CLSTN2: variants seen among roughly 807,000 people sequenced by gnomAD.
CLSTN2 encodes the protein calsyntenin 2.
In CLSTN2, 48 loss-of-function variants were observed where a neutral mutation model predicts 101.2. The observed-to-expected ratio is 0.47, with a 90% CI of 0.38 to 0.60. CLSTN2 has a LOEUF of 0.60. CLSTN2 is among the 20% of genes least tolerant of loss of function. The probability of loss-of-function intolerance (pLI) is 0.00; values close to 1 mark genes in which losing one functional copy is unlikely to be tolerated. For synonymous variants in CLSTN2, 481 were observed against 463.6 expected, an observed-to-expected ratio of 1.04 and a Z score of -0.48; for missense variants, 1,160 against 1,238.2, an observed-to-expected ratio of 0.94 and a Z score of 0.95.
chr3:140,476,433 A>AT (rs970702456), intron 8 of CLSTN2, among the ~76,000 whole-genome samples: 6 of 152,244 alleles, frequency 3.9e-5, no homozygotes, highest in Non-Finnish European at 8.8e-5. Flanking sequence ...TGCTTTCCAC[A>AT]TCTCTCATCT....
chr3:140,134,439 C>A (rs2009569187), intron 1 of CLSTN2, among the ~76,000 whole-genome samples: 1 of 152,122 alleles, frequency 6.6e-6, no homozygotes. Context: ...CCCCACCCCA[C>A]CCATCTGGCC....
intron 2 of CLSTN2, among the ~76,000 whole-genome samples, chr3:140,344,897 C>T (rs187632769): frequency 3.9e-5 from 6 of 152,238 alleles, no homozygotes; most frequent in South Asian, 4.1e-4. Context: ...GAGGGGATTG[C>T]GACTTCTCTA....
At chr3:140,276,132 A>G (rs966807541) in intron 2 of CLSTN2, among the ~76,000 whole-genome samples, 3 of 152,122 alleles carry the variant, frequency 2.0e-5, no homozygotes, top group Non-Finnish European at 4.4e-5. Context: ...CAAAGAATGC[A>G]CCTTTCTTCT....
chr3:140,193,939 T>A (rs768477839), intron 2 of CLSTN2, among the ~76,000 whole-genome samples: 2 of 152,134 alleles, frequency 1.3e-5, no homozygotes, highest in Non-Finnish European at 2.9e-5. Context: ...TCTACTTAGG[T>A]TATTTTATTT....
chr3:140,466,526 C>T, intron 7 of CLSTN2, 84 bp from the exon 8 acceptor site: 1 of 1,557,684 alleles, frequency 6.4e-7, no homozygotes, highest in Non-Finnish European at 8.8e-7. Context: ...CTGTGCTGTG[C>T]TAAGTGAGTG....
At chr3:140,147,829 C>G (rs1382581153) in intron 1 of CLSTN2, among the ~76,000 whole-genome samples, 1 of 152,152 alleles carries the variant, frequency 6.6e-6, no homozygotes, top group South Asian at 2.1e-4. Context: ...GCATTACACA[C>G]TTTTTAGTCC....
intron 7 of CLSTN2, among the ~76,000 whole-genome samples, chr3:140,464,958 G>T (rs540977633): frequency 6.6e-6 from 1 of 152,192 alleles, no homozygotes; most frequent in African/African-American, 2.4e-5. Context: ...CTACTTCGTT[G>T]TGTTGCCCTG....
rs1487219408 is a variant in CLSTN2, at chr3:140,564,065, A to G, written c.2587A>G (p.Ile863Val). 4.3e-6 allele frequency: 7 copies of G among 1,613,962 alleles called. No individual in the cohort carries two copies. The East Asian group carries it at 1.6e-4, about 36-fold the overall frequency. ...YRVRIAHQHF[I>V]QETEAAKESE... ...GGTCCGGATCGCCCACCAGCACTTCATCCAGGAGACTGAGGCTGCCAAGGA... is the reference window on the plus strand; with the variant it reads ...GGTCCGGATCGCCCACCAGCACTTCGTCCAGGAGACTGAGGCTGCCAAGGA... Residue 863 changes from isoleucine to valine, a missense_variant, in exon 16 of 17, where the codon ATC becomes GTC. Ile to Val is a conservative substitution (Grantham distance 29, BLOSUM62 3). Coordinates refer to ENST00000458420, the MANE Select transcript of CLSTN2 (RefSeq NM_022131.3).
rs143976908 is a variant in CLSTN2, at chr3:140,354,395, G to T, written c.233-49234G>T. 5.3e-3 allele frequency among the ~76,000 whole-genome samples: 803 copies of T among 152,294 alleles called. 2 individuals are homozygous for T. Among genetic ancestry groups the T allele is most frequent in the African/African-American group, 0.018 (745 of 41,562 alleles). ...TAAAGAAATTCTGCATTCATTGTCAGTTGGTGATATCTTTCTACGATTCAC... is the reference window on the plus strand; with the variant it reads ...TAAAGAAATTCTGCATTCATTGTCATTTGGTGATATCTTTCTACGATTCAC... On this transcript the variant is annotated intron_variant, in intron 2 of 16. Transcript: ENST00000458420.
At chr3:140,521,636 G>A (rs904386168) in intron 8 of CLSTN2, among the ~76,000 whole-genome samples, 1 of 152,356 alleles carries the variant, frequency 6.6e-6, no homozygotes, top group South Asian at 2.1e-4. Context: ...AAATCTGGCT[G>A]ATTTTTGGTA....
chr3:140,210,860 C>A (rs2010846785), intron 2 of CLSTN2, among the ~76,000 whole-genome samples: 1 of 152,036 alleles, frequency 6.6e-6, no homozygotes. Context: ...TAACAAGCAC[C>A]TAAATAGCTA....
chr3:140,326,655 C>G (rs1176710764), intron 2 of CLSTN2, among the ~76,000 whole-genome samples: 8 of 152,154 alleles, frequency 5.3e-5, no homozygotes. Flanking sequence ...CAGCATTCTC[C>G]AAAAGCTACC....
In CLSTN2 at chr3:140,562,207, G is replaced by A; in HGVS notation, c.2111G>A (p.Gly704Glu). ...LDFCDILVIGGDLDPRQECLE... is the reference protein window; with the variant it reads ...LDFCDILVIGEDLDPRQECLE... Reference sequence around the variant, plus strand: ...TTCTGTGACATTTTGGTGATCGGAGGGGACTTGGACCCAAGGCAGGAGTGC... The same window carrying A: ...TTCTGTGACATTTTGGTGATCGGAGAGGACTTGGACCCAAGGCAGGAGTGC... The change falls in exon 13 of 17, where the codon GGG becomes GAG. Residue 704 changes from glycine to glutamate, a missense_variant. Transcript: ENST00000458420. The A allele has an allele frequency of 2.5e-6, 4 of 1,614,066 alleles. No homozygotes were observed. The highest frequency in any genetic ancestry group is 3.4e-6 in the Non-Finnish European group (4 of 1,179,954).
chr3:140,166,365 T>C (rs768949982), intron 1 of CLSTN2, among the ~76,000 whole-genome samples: 2 of 152,160 alleles, frequency 1.3e-5, no homozygotes, highest in African/African-American at 4.8e-5. Flanking sequence ...AGCCTGACAA[T>C]TGGAATAATA....
chr3:140,532,553 A>T (rs1935279521), intron 9 of CLSTN2, 67 bp downstream of exon 9: 2 of 1,385,590 alleles, frequency 1.4e-6, no homozygotes, highest in East Asian at 4.8e-5. Flanking sequence ...ACTTGTAGAG[A>T]AAAAGGAAAA....
rs767235254 is a variant in CLSTN2, at chr3:140,571,480, C to T, written c.*5227C>T. On this transcript the variant is annotated 3_prime_UTR_variant, in exon 17 of 17. Transcript: ENST00000458420. ...AGTAGATGATTTTTAGGTAAGATAA[C>T]GTTTAGGCCTCTGGGGGATCCCCAA... 8.5e-5 allele frequency: 13 copies of T among 152,250 alleles called. 1 individual carries two copies. The highest frequency in any genetic ancestry group is 1.6e-4 in the Non-Finnish European group (11 of 68,026). The allele number at this position is 152,250 out of a possible 1,614,324, so 9.4% of individuals were successfully genotyped here.
In CLSTN2 at chr3:139,937,505, G is replaced by A. The variant is rs149332909; in HGVS notation, c.109+2022G>A. Among the ~76,000 whole-genome samples, 868 of 151,722 alleles carry A rather than the reference G, an allele frequency of 5.7e-3. 6 individuals carry two copies. The highest frequency in any genetic ancestry group is 0.019 in the African/African-American group (784 of 41,300). ...TAATCCCAGCACTTTGGGAGGCCGAGGCGGGCGGATCACCTGAGGTTAGGG... is the reference window on the plus strand; with the variant it reads ...TAATCCCAGCACTTTGGGAGGCCGAAGCGGGCGGATCACCTGAGGTTAGGG... On this transcript the variant is annotated intron_variant, in intron 1 of 16. Coordinates refer to ENST00000458420, the MANE Select transcript of CLSTN2 (RefSeq NM_022131.3).
intron 1 of CLSTN2, among the ~76,000 whole-genome samples, chr3:140,132,224 T>G (rs1297495555): frequency 6.6e-6 from 1 of 152,198 alleles, no homozygotes; most frequent in Non-Finnish European, 1.5e-5. Context: ...GGGAAATGCC[T>G]TCCTCTGATT....
intron 6 of CLSTN2, among the ~76,000 whole-genome samples, chr3:140,459,176 T>A (rs1933492530): frequency 6.6e-6 from 1 of 152,116 alleles, no homozygotes; most frequent in Non-Finnish European, 1.5e-5. Flanking sequence ...AGTGAATCCA[T>A]CCATCCAAAT....
Sources: allele counts gnomAD v4.1 joint callset (sites outside exome capture counted in the v4.1 genomes callset), GRCh38; gene constraint gnomAD v4.1.1; transcripts MANE v1.5; gene names NCBI Gene and HGNC (gene_info 2026-07-23, HGNC 2026-07-21).